Variants in JPH2 observed in about 807,000 individuals in gnomAD.
JPH2 encodes junctophilin 2, also known as junctophilin-2.
A neutral mutation model predicts 55.9 loss-of-function variants in JPH2; 38 were observed. The ratio of observed to expected loss-of-function variants is 0.68; its 90% CI spans 0.52 to 0.89. JPH2 has a LOEUF of 0.89. Among genes scored for constraint, JPH2 ranks in the 40% least tolerant of loss-of-function variants. JPH2 has a pLI of 0.00. For missense variants in JPH2, 964 were observed against 1,037.6 expected, an observed-to-expected ratio of 0.93 and a Z score of 0.97; for synonymous variants, 480 against 472.4, an observed-to-expected ratio of 1.02 and a Z score of -0.21.
At chr20:44,117,870 G>A (rs2072205902) in intron 3 of JPH2, among the ~76,000 whole-genome samples, 1 of 152,196 alleles carries the variant, frequency 6.6e-6, no homozygotes, top group Admixed American at 6.5e-5. Flanking sequence ...AGCTTACTGA[G>A]GACTGGGAAT....
chr20:44,146,995 C>A (rs777046613), intron 2 of JPH2, among the ~76,000 whole-genome samples: 1 of 151,850 alleles, frequency 6.6e-6, no homozygotes, highest in Non-Finnish European at 1.5e-5. Flanking sequence ...ATCTCCTTTG[C>A]AATTATTATT....
chr20:44,137,048 GGA>G (rs1410145637), intron 2 of JPH2, among the ~76,000 whole-genome samples: 2 of 152,208 alleles, frequency 1.3e-5, no homozygotes, highest in African/African-American at 4.8e-5. Flanking sequence ...ATTGTGAACA[GGA>G]GAGACTCGCC....
intron 1 of JPH2, chr20:44,176,997 T>G: frequency 1.0e-6 from 1 of 985,388 alleles, no homozygotes; most frequent in Non-Finnish European, 1.2e-6. Context: ...CACAAGGTGC[T>G]CATTCCTGGC....
chr20:44,186,179 T>A, intron 1 of JPH2, 148 bp downstream of exon 1: 1 of 820,514 alleles, frequency 1.2e-6, no homozygotes, highest in Middle Eastern at 3.6e-4. Flanking sequence ...CTCAGAAAGG[T>A]AGAGCAGCTT....
chr20:44,140,874 T>C (rs1447450246), intron 2 of JPH2, among the ~76,000 whole-genome samples: 2 of 152,204 alleles, frequency 1.3e-5, no homozygotes, highest in Non-Finnish European at 2.9e-5. Flanking sequence ...GTAAGTACTA[T>C]ATCAATTTCT....
intron 2 of JPH2, among the ~76,000 whole-genome samples, chr20:44,136,175 T>G (rs1214179859): frequency 6.6e-6 from 1 of 152,152 alleles, no homozygotes; most frequent in African/African-American, 2.4e-5. Context: ...GTACCATGGA[T>G]GAACAGAGGG....
At chr20:44,186,196 A>G (rs1244127058) in intron 1 of JPH2, 131 bp downstream of exon 1, 1 of 1,065,480 alleles carries the variant, frequency 9.4e-7, no homozygotes, top group Non-Finnish European at 1.4e-6. Flanking sequence ...GCTTGCCCAA[A>G]ACCACACAGC....
chr20:44,109,369 T>C lies in JPH2; in HGVS notation c.*4149A>G, dbSNP rs2072126664. Among the ~76,000 whole-genome samples, 1 of 152,252 alleles carries C rather than the reference T, an allele frequency of 6.6e-6. No individual in the cohort carries two copies. Among genetic ancestry groups the C allele is most frequent in the South Asian group, 2.1e-4 (1 of 4,828 alleles). On this transcript the variant is annotated 3_prime_UTR_variant, in exon 6 of 6. Coordinates refer to ENST00000372980, the MANE Select transcript of JPH2 (RefSeq NM_020433.5). ...CTAAGTGCTGTGTTCATATTTTCTA[T>C]CTGAAGAGGCAGGTAACATGGTATT... is the stretch of plus-strand genomic sequence containing the variant.
At chr20:44,115,215 C>T (rs1484038137) in intron 4 of JPH2, among the ~76,000 whole-genome samples, 8 of 152,130 alleles carry the variant, frequency 5.3e-5, no homozygotes, top group Admixed American at 6.5e-5. Flanking sequence ...TTGTTGCCGC[C>T]GTTCCTAGCT....
intron 1 of JPH2, among the ~76,000 whole-genome samples, chr20:44,166,095 T>G (rs972610300): frequency 6.6e-6 from 1 of 152,234 alleles, no homozygotes; most frequent in Admixed American, 6.5e-5. Flanking sequence ...AGTAAATATG[T>G]GTTGGATGAA....
intron 3 of JPH2, among the ~76,000 whole-genome samples, chr20:44,117,785 A>G (rs2072204982): frequency 6.6e-6 from 1 of 152,156 alleles, no homozygotes; most frequent in East Asian, 1.9e-4. Flanking sequence ...CTCCTCTCCC[A>G]TTCTAACCGC....
chr20:44,158,712 G>T (rs369421213), intron 2 of JPH2, among the ~76,000 whole-genome samples: 2 of 152,206 alleles, frequency 1.3e-5, no homozygotes, highest in Non-Finnish European at 2.9e-5. Context: ...GGATAGGTGG[G>T]GGAGGTTGAA....
intron 3 of JPH2, among the ~76,000 whole-genome samples, chr20:44,117,221 G>A (rs1443911317): frequency 1.3e-5 from 2 of 152,238 alleles, no homozygotes; most frequent in African/African-American, 4.8e-5. Context: ...GGAAGTTGCA[G>A]TGAGCTGAGA....
chr20:44,123,823 C>T (rs1180214469), intron 2 of JPH2, among the ~76,000 whole-genome samples: 4 of 152,186 alleles, frequency 2.6e-5, no homozygotes, highest in African/African-American at 4.8e-5. Context: ...AGCACGTGTT[C>T]GGCGGAGAGA....
rs2072139874 is a variant in JPH2 at position 44,111,094 on chromosome 20, G to A, written c.*2424C>T. On this transcript the variant is annotated 3_prime_UTR_variant, in exon 6 of 6. Coordinates refer to ENST00000372980, the MANE Select transcript of JPH2 (RefSeq NM_020433.5). ...TTGCTGTGTGCGTGACCTTGGGCAA[G>A]TCCCTCTGCTCTAAGCCTCTGTGGA... 6.6e-6 allele frequency among the ~76,000 whole-genome samples: 1 copy of A among 152,232 alleles called. No individual in the cohort carries two copies. The highest frequency in any genetic ancestry group is 2.4e-5 in the African/African-American group (1 of 41,462).
In JPH2 at chr20:44,107,908, T is replaced by C. The variant is rs549502371; in HGVS notation, c.*5610A>G. 3.3e-5 allele frequency among the ~76,000 whole-genome samples: 5 copies of C among 152,348 alleles called. No homozygotes were observed. In the East Asian group the frequency reaches 9.7e-4, roughly 29 times the overall value. ...CTGATTAACAGGAGTGTCTTTGTTATTCATGGTGGGCTCCTGGGACCACAA... is the reference window on the plus strand; with the variant it reads ...CTGATTAACAGGAGTGTCTTTGTTACTCATGGTGGGCTCCTGGGACCACAA... On this transcript the variant is annotated 3_prime_UTR_variant, in exon 6 of 6. Coordinates refer to ENST00000372980, the MANE Select transcript of JPH2 (RefSeq NM_020433.5).
At chr20:44,172,102 G>A (rs12624928) in intron 1 of JPH2, among the ~76,000 whole-genome samples, 52,194 of 152,012 alleles carry the variant, frequency 0.34, 9,749 homozygotes, top group East Asian at 0.51. Flanking sequence ...CAGAGATCTC[G>A]GGCTCTCAAC....
At chr20:44,169,003 C>T (rs1312425043) in intron 1 of JPH2, among the ~76,000 whole-genome samples, 1 of 152,126 alleles carries the variant, frequency 6.6e-6, no homozygotes, top group East Asian at 1.9e-4. Context: ...ACTCTTGCTT[C>T]CACTCTTGCC....
chr20:44,115,251 C>G (rs1386850350), intron 4 of JPH2, among the ~76,000 whole-genome samples: 1 of 152,258 alleles, frequency 6.6e-6, no homozygotes. Flanking sequence ...GTCAGGAGGT[C>G]TATAACCCAA....
Sources: allele counts gnomAD v4.1 joint callset (sites outside exome capture counted in the v4.1 genomes callset), GRCh38; gene constraint gnomAD v4.1.1; transcripts MANE v1.5; gene names NCBI Gene and HGNC (gene_info 2026-07-23, HGNC 2026-07-21).